Variants in PCDHGA3 observed in about 807,000 individuals in gnomAD.
PCDHGA3 encodes the protein protocadherin gamma-A3.
PCDHGA3 carries 40 observed loss-of-function variants against 58.5 expected under a neutral mutation model. The observed-to-expected ratio is 0.68, with a 90% CI of 0.53 to 0.89. The LOEUF (loss-of-function observed/expected upper bound fraction) is 0.89, where lower values mean the gene tolerates loss of function less well. PCDHGA3 is among the 40% of genes least tolerant of loss of function. The pLI is 0.00. For missense variants in PCDHGA3, 1,223 were observed against 1,195.9 expected, an observed-to-expected ratio of 1.02 and a Z score of -0.33; for synonymous variants, 530 against 525.7, an observed-to-expected ratio of 1.01 and a Z score of -0.11.
At chr5:141,495,492 G>C (rs1321150765) in intron 2 of PCDHGA3, among the ~76,000 whole-genome samples, 1 of 152,148 alleles carries the variant, frequency 6.6e-6, no homozygotes, top group Non-Finnish European at 1.5e-5. Flanking sequence ...CCTTTTTCTT[G>C]AGTTTCCGTC....
intron 1 of PCDHGA3, chr5:141,405,626 C>G (rs1329214735): frequency 3.7e-6 from 2 of 538,556 alleles, no homozygotes; most frequent in South Asian, 5.3e-5. Context: ...AGGCACGTGC[C>G]ACCACGCCCG....
In PCDHGA3 at chr5:141,419,435, C is replaced by A. The variant is rs2096382649; in HGVS notation, c.2424+72978C>A. The A allele has an allele frequency of 2.5e-6, 4 of 1,613,108 alleles. No individual in the cohort carries two copies. In the African/African-American group the frequency reaches 4.0e-5, roughly 16 times the overall value. ...GCGCGCCTTCGACCACGAGCAGCTG[C>A]GCACCTTCGAGCTCACGCTGCAGGC... is the stretch of plus-strand genomic sequence containing the variant. On this transcript the variant is annotated intron_variant, in intron 1 of 3. Transcript: ENST00000253812.
intron 1 of PCDHGA3, chr5:141,399,589 A>T: frequency 6.2e-7 from 1 of 1,613,984 alleles, no homozygotes; most frequent in Non-Finnish European, 8.5e-7. Context: ...CTACTCTATC[A>T]TGGCCAGCGA....
At chr5:141,464,327 C>G (rs893319708) in intron 1 of PCDHGA3, among the ~76,000 whole-genome samples, 15 of 150,890 alleles carry the variant, frequency 9.9e-5, no homozygotes, top group African/African-American at 3.7e-4. Flanking sequence ...TCTGTTCAAC[C>G]CATCTATGAC....
rs369551410 is a variant in PCDHGA3, at chr5:141,415,294, G to A, written c.2424+68837G>A. ...GGTAGCGGTGGCCGCGGTCTCCTGC[G>A]TCTTCCTGGCCTTCGTCATCGTGCT... On this transcript the variant is annotated intron_variant, in intron 1 of 3. Transcript: ENST00000253812. 10 of 1,614,050 alleles carry A rather than the reference G, an allele frequency of 6.2e-6. No homozygotes were observed. In the African/African-American group the frequency reaches 1.1e-4, roughly 17 times the overall value.
chr5:141,460,037 C>A (rs1203902962), intron 1 of PCDHGA3, among the ~76,000 whole-genome samples: 1 of 152,120 alleles, frequency 6.6e-6, no homozygotes, highest in African/African-American at 2.4e-5. Context: ...GAGACTGCAC[C>A]ACTGCACTCC....
chr5:141,505,418 A>T lies in PCDHGA3; in HGVS notation c.2509A>T (p.Thr837Ser). 1 of 1,614,186 alleles carries T rather than the reference A, an allele frequency of 6.2e-7. No homozygotes were observed. Among genetic ancestry groups the T allele is most frequent in the East Asian group, 2.2e-5 (1 of 44,876 alleles). The change falls in exon 3 of 4, where the codon ACC becomes TCC. Residue 837 changes from threonine to serine, a missense_variant. By Grantham distance (58) the Thr-to-Ser change is moderately conservative. This residue lies in a region of PCDHGA3 where 325 missense variants were observed against 327.5 expected (regional missense o/e 0.99). Coordinates refer to ENST00000253812, the MANE Select transcript of PCDHGA3 (RefSeq NM_018916.4). ...SGSQNGDDTG[T>S]WPNNQFDTEM... ...CTCCCAAAATGGCGATGACACCGGC[A>T]CCTGGCCCAACAACCAGTTTGACAC...
intron 1 of PCDHGA3, chr5:141,407,996 TGG>T: frequency 1.1e-6 from 1 of 872,310 alleles, no homozygotes; most frequent in South Asian, 2.0e-5. Flanking sequence ...GCCTCTGGCC[TGG>T]GATTCCCTGC....
intron 1 of PCDHGA3, chr5:141,357,267 C>G: frequency 1.2e-6 from 2 of 1,613,834 alleles, no homozygotes; most frequent in East Asian, 4.5e-5. Context: ...ACTCGGGCCT[C>G]ACACTCTATC....
rs1228831823 is a variant in PCDHGA3, at chr5:141,487,778, T to C, written c.2425-7029T>C. ...GGTAGACGCTGTGCTTTGTAACTGT[T>C]TCGTGAATTAACCAGAGTTGTCACA... On this transcript the variant is annotated intron_variant, in intron 1 of 3. Coordinates refer to ENST00000253812, the MANE Select transcript of PCDHGA3 (RefSeq NM_018916.4). The surrounding 1 kb of genome is among the most constrained non-coding windows in gnomAD (Gnocchi z 5.0). The C allele has an allele frequency of 6.5e-7, 1 of 1,531,514 alleles. No individual in the cohort carries two copies. The highest frequency in any genetic ancestry group is 2.0e-5 in the Admixed American group (1 of 49,632). 94.9% of individuals were successfully genotyped at this position (1,531,514 alleles called of 1,614,324 possible).
At position 141,351,282 on chromosome 5, in the gene PCDHGA3, C is replaced by G. The variant is rs1451959157; in HGVS notation, c.2424+4825C>G. 6 of 1,613,698 alleles carry G rather than the reference C, an allele frequency of 3.7e-6. No homozygotes were observed. In the African/African-American group the frequency reaches 8.0e-5, roughly 22 times the overall value. On this transcript the variant is annotated intron_variant, in intron 1 of 3. Coordinates refer to ENST00000253812, the MANE Select transcript of PCDHGA3 (RefSeq NM_018916.4). The stretch of plus-strand genomic sequence containing the variant: ...ATTGTTGACGAGAATGACAATGCCC[C>G]AGAGGTGACATTCATGTCCTTCTCT...
chr5:141,361,064 A>C, intron 1 of PCDHGA3: 1 of 1,613,918 alleles, frequency 6.2e-7, no homozygotes, highest in Non-Finnish European at 8.5e-7. Flanking sequence ...TTGGATTTTG[A>C]GATTGCAAGT....
chr5:141,462,007 G>C (rs2099028604), intron 1 of PCDHGA3, among the ~76,000 whole-genome samples: 1 of 152,188 alleles, frequency 6.6e-6, no homozygotes, highest in South Asian at 2.1e-4. Context: ...ATTTTTAATA[G>C]AGACGGGGTT....
At chr5:141,421,926 C>A in intron 1 of PCDHGA3, 1 of 1,613,460 alleles carries the variant, frequency 6.2e-7, no homozygotes, top group Non-Finnish European at 8.5e-7. Flanking sequence ...GTGTGGTGGT[C>A]CTCGATGTAA....
At chr5:141,470,016 C>G (rs116065751) in intron 1 of PCDHGA3, among the ~76,000 whole-genome samples, 1 of 152,146 alleles carries the variant, frequency 6.6e-6, no homozygotes, top group Non-Finnish European at 1.5e-5. Context: ...GTAATCCCAG[C>G]TACTCGGGAT....
Position 141,343,926 on chromosome 5 carries a change from A to T in PCDHGA3, c.-108A>T, listed in dbSNP as rs895035430. 2 of 1,025,560 alleles carry T rather than the reference A, an allele frequency of 2.0e-6. No homozygotes were observed. The highest frequency in any genetic ancestry group is 3.3e-5 in the African/African-American group (2 of 61,382). 63.5% of individuals were successfully genotyped at this position (1,025,560 alleles called of 1,614,324 possible). A position where few individuals can be genotyped will look rare whatever the true frequency, so the allele number is the denominator to read the frequency against. On this transcript the variant is annotated 5_prime_UTR_variant, in exon 1 of 4. An upstream open reading frame in the 5' UTR loses its in-frame stop. Coordinates refer to ENST00000253812, the MANE Select transcript of PCDHGA3 (RefSeq NM_018916.4). ...CACCTCTTAGTCAACCAGCTGTTTGACCTGTGAATTAGGCCCGTAAAAGAC... is the reference window on the plus strand; with the variant it reads ...CACCTCTTAGTCAACCAGCTGTTTGTCCTGTGAATTAGGCCCGTAAAAGAC...
At chr5:141,419,279 G>C in intron 1 of PCDHGA3, 1 of 1,614,042 alleles carries the variant, frequency 6.2e-7, no homozygotes, top group South Asian at 1.1e-5. Flanking sequence ...CATAGCGCAA[G>C]TCAGTGCCTC....
chr5:141,404,133 T>C, intron 1 of PCDHGA3: 1 of 1,613,108 alleles, frequency 6.2e-7, no homozygotes, highest in Non-Finnish European at 8.5e-7. Flanking sequence ...TCTTTTACAT[T>C]AGAAAATTCA....
At position 141,345,069 on chromosome 5, in the gene PCDHGA3, G is replaced by A; in HGVS notation, c.1036G>A (p.Glu346Lys). Residue 346 changes from glutamate to lysine, a missense_variant, in exon 1 of 4, where the codon GAA (glutamate) becomes AAA (lysine). By Grantham distance (56) the Glu-to-Lys change is moderately conservative. Around this residue, in one of 3 missense-constraint regions of PCDHGA3, gnomAD observed 791 missense variants for 708.5 expected, o/e 1.12. Transcript: ENST00000253812. ...TVLDVNDNAP[E>K]ITITSLTSSV... Reference sequence around the variant, plus strand: ...TCTGGATGTGAATGACAATGCTCCAGAAATTACAATCACGTCTCTCACAAG... The same window carrying A: ...TCTGGATGTGAATGACAATGCTCCAAAAATTACAATCACGTCTCTCACAAG... The A allele has an allele frequency of 6.2e-7, 1 of 1,613,990 alleles. No homozygotes were observed. The highest frequency in any genetic ancestry group is 2.2e-5 in the East Asian group (1 of 44,878).
Sources: gnomAD v4.1 joint callset for allele counts (sites outside exome capture counted in the v4.1 genomes callset) on GRCh38, gnomAD v4.1.1 for gene constraint, gnomAD v4.1.1 regional missense constraint, Gnocchi (gnomAD v3.1) non-coding constraint, MANE v1.5 for transcripts, NCBI Gene and HGNC (gene_info 2026-07-23, HGNC 2026-07-21) for gene names.